Variants in CTNNA3 observed in about 807,000 individuals in gnomAD.
CTNNA3 encodes the protein catenin alpha-3.
CTNNA3 carries 76 observed loss-of-function variants against 95.7 expected under a neutral mutation model. The ratio of observed to expected loss-of-function variants is 0.79; its 90% confidence interval spans 0.66 to 0.96. The LOEUF (loss-of-function observed/expected upper bound fraction) is 0.96, where lower values mean the gene tolerates loss of function less well. Among genes scored for constraint, CTNNA3 ranks in the 40% least tolerant of loss-of-function variants. The pLI, the probability that CTNNA3 is intolerant of heterozygous loss-of-function variation, is 0.00. For synonymous variants in CTNNA3, 431 were observed against 374.4 expected (o/e 1.15, Z -1.74); for missense variants, 1,191 against 1,089.8 (o/e 1.09, Z -1.31).
At chr10:66,985,488 C>T (rs1850677345) in intron 7 of CTNNA3, among the ~76,000 whole-genome samples, 1 of 152,044 alleles carries the variant, frequency 6.6e-6, no homozygotes, top group African/African-American at 2.4e-5. Context: ...GAAAGTATAC[C>T]CAGCCCTCCT....
chr10:67,740,081 G>C (rs1440112396), intron 1 of CTNNA3, among the ~76,000 whole-genome samples: 1 of 152,166 alleles, frequency 6.6e-6, no homozygotes, highest in African/African-American at 2.4e-5. Flanking sequence ...TTAATAAATG[G>C]TGCTGAGAAA....
intron 9 of CTNNA3, among the ~76,000 whole-genome samples, chr10:66,688,292 CAA>C (rs1472321638): frequency 6.6e-6 from 1 of 152,092 alleles, no homozygotes; most frequent in Non-Finnish European, 1.5e-5. Flanking sequence ...GAATAAAATC[CAA>C]ATGTTTCCCC....
At chr10:67,392,994 C>T (rs181656705) in intron 5 of CTNNA3, among the ~76,000 whole-genome samples, 184 of 151,854 alleles carry the variant, frequency 1.2e-3, no homozygotes, top group Non-Finnish European at 2.0e-3. Flanking sequence ...CAGCATGGCA[C>T]ATGTATACAT....
chr10:66,221,800 G>T (rs1252777581), intron 13 of CTNNA3, among the ~76,000 whole-genome samples: 1 of 152,182 alleles, frequency 6.6e-6, no homozygotes, highest in Non-Finnish European at 1.5e-5. Flanking sequence ...GCTGGGAGCG[G>T]GGGAATCTCA....
At chr10:66,870,050 A>C (rs1880047) in intron 7 of CTNNA3, among the ~76,000 whole-genome samples, 1,855 of 152,324 alleles carry the variant, frequency 0.012, 129 homozygotes, top group Admixed American at 0.095. Context: ...AAAGGGTTTA[A>C]AATTTTTATA....
intron 13 of CTNNA3, among the ~76,000 whole-genome samples, chr10:66,179,442 G>A (rs879401557): frequency 9.9e-5 from 15 of 151,992 alleles, no homozygotes; most frequent in African/African-American, 2.4e-5. Flanking sequence ...GATGAAAATC[G>A]CCTGTATCTT....
chr10:67,087,696 T>C (rs1857384435), intron 7 of CTNNA3, among the ~76,000 whole-genome samples: 1 of 152,014 alleles, frequency 6.6e-6, no homozygotes, highest in South Asian at 2.1e-4. Flanking sequence ...ACCTCTAAGC[T>C]AATGTCATAA....
At chr10:66,308,440 T>G (rs1161478630) in intron 12 of CTNNA3, among the ~76,000 whole-genome samples, 1 of 152,202 alleles carries the variant, frequency 6.6e-6, no homozygotes, top group Non-Finnish European at 1.5e-5. Flanking sequence ...GAATCCAATA[T>G]GCCAAATGAC....
chr10:66,889,758 G>T (rs1413773572), intron 7 of CTNNA3, among the ~76,000 whole-genome samples: 1 of 151,228 alleles, frequency 6.6e-6, no homozygotes, highest in Non-Finnish European at 1.5e-5. Flanking sequence ...GAAAAGCTGA[G>T]AGAGATGGGG....
intron 13 of CTNNA3, among the ~76,000 whole-genome samples, chr10:66,161,126 C>A (rs770887848): frequency 6.6e-6 from 1 of 152,148 alleles, no homozygotes; most frequent in Non-Finnish European, 1.5e-5. Context: ...AGTCCTCATG[C>A]ATTCTGCAGT....
At chr10:67,227,976 A>G (rs146514623) in intron 5 of CTNNA3, among the ~76,000 whole-genome samples, 2,664 of 152,278 alleles carry the variant, frequency 0.017, 35 homozygotes, top group Non-Finnish European at 0.026. Flanking sequence ...TCAAGATGGA[A>G]ATTTAAAAAT....
At chr10:66,075,222 T>C (rs866052230) in intron 14 of CTNNA3, among the ~76,000 whole-genome samples, 1 of 151,770 alleles carries the variant, frequency 6.6e-6, no homozygotes, top group Admixed American at 6.6e-5. Flanking sequence ...TTTATCTGCT[T>C]AAAAAATTTA....
chr10:67,698,290 G>C (rs1380131312), upstream of CTNNA3, among the ~76,000 whole-genome samples: 1 of 152,100 alleles, frequency 6.6e-6, no homozygotes, highest in African/African-American at 2.4e-5. Context: ...GCCATTACTA[G>C]CAATTCTCCC....
At chr10:67,455,550 C>A (rs1195766036) in intron 5 of CTNNA3, among the ~76,000 whole-genome samples, 5 of 152,096 alleles carry the variant, frequency 3.3e-5, no homozygotes, top group Admixed American at 1.3e-4. Flanking sequence ...CTACATTGGT[C>A]AGTGATCAAA....
intron 5 of CTNNA3, among the ~76,000 whole-genome samples, chr10:67,439,813 C>G (rs745401458): frequency 7.9e-5 from 12 of 151,976 alleles, no homozygotes; most frequent in Admixed American, 6.6e-5. Context: ...CCCTTCGGCC[C>G]CGAACAACCA....
chr10:66,325,775 A>G (rs2092246761), intron 12 of CTNNA3, among the ~76,000 whole-genome samples: 1 of 152,082 alleles, frequency 6.6e-6, no homozygotes, highest in Non-Finnish European at 1.5e-5. Flanking sequence ...AGGACTGAAA[A>G]TTGTCTGTTT....
chr10:66,040,242 TGAG>T (rs1011300038), intron 15 of CTNNA3, among the ~76,000 whole-genome samples: 1 of 152,010 alleles, frequency 6.6e-6, no homozygotes, highest in African/African-American at 2.4e-5. Flanking sequence ...CTGCTGAGGT[TGAG>T]GAGAAAAAGA....
intron 14 of CTNNA3, among the ~76,000 whole-genome samples, chr10:66,074,788 T>A (rs2080516639): frequency 1.3e-5 from 2 of 151,972 alleles, no homozygotes. Flanking sequence ...TCTTTCAGAA[T>A]AATAATTATG....
chr10:66,057,070 T>G (rs1232330813), intron 15 of CTNNA3, among the ~76,000 whole-genome samples: 1 of 152,184 alleles, frequency 6.6e-6, no homozygotes, highest in Non-Finnish European at 1.5e-5. Flanking sequence ...TACCTGAAAC[T>G]TCTCTACCTC....
Sources: allele counts gnomAD v4.1 joint callset (sites outside exome capture counted in the v4.1 genomes callset), GRCh38; gene constraint gnomAD v4.1.1; transcripts MANE v1.5; gene names NCBI Gene and HGNC (gene_info 2026-07-23, HGNC 2026-07-21).